The following IMPG1 variants were observed in gnomAD, a reference collection of about 807,000 sequenced individuals.
IMPG1 encodes interphotoreceptor matrix proteoglycan 1, also known as interphotoreceptor matrix proteoglycan of 150 kDa.
Under a neutral mutation model 92.0 loss-of-function variants are expected in IMPG1, and 85 were observed. That is an observed-to-expected ratio of 0.92 (90% CI 0.78 to 1.11). IMPG1 has a LOEUF of 1.11. Among genes scored for constraint, IMPG1 ranks in the 50% least tolerant of loss-of-function variants. IMPG1 has a pLI of 0.00. For missense variants in IMPG1, 1,022 were observed against 956.0 expected (o/e 1.07, Z -0.91); for synonymous variants, 367 against 334.1 (o/e 1.10, Z -1.08).
chr6:75,946,416 C>T (rs1455817639), intron 14 of IMPG1, among the ~76,000 whole-genome samples: 2 of 152,186 alleles, frequency 1.3e-5, no homozygotes, highest in Non-Finnish European at 2.9e-5. Flanking sequence ...GTTAAAGATT[C>T]ACTCCACTAA....
intron 12 of IMPG1, among the ~76,000 whole-genome samples, chr6:76,000,955 T>C (rs1449650284): frequency 6.6e-6 from 1 of 152,184 alleles, no homozygotes; most frequent in East Asian, 1.9e-4. Context: ...CATAGTATAA[T>C]AGATGTAGAA....
rs374742513 is a variant in IMPG1 at position 76,015,634 on chromosome 6, C to G, written c.807+3084G>C. The stretch of plus-strand genomic sequence containing the variant: ...TGATCAACACGGTGAACTCCTGTCT[C>G]TACTAAAAATACAAAATTAGCCAGC... On this transcript the variant is annotated intron_variant, in intron 7 of 16. Coordinates refer to ENST00000369950, the MANE Select transcript of IMPG1 (RefSeq NM_001563.4). Among the ~76,000 whole-genome samples, 206 of 151,736 alleles carry G rather than the reference C, an allele frequency of 1.4e-3. 1 individual carries two copies. Among genetic ancestry groups the G allele is most frequent in the African/African-American group, 4.8e-3 (197 of 41,378 alleles).
In IMPG1 at chr6:76,007,511, T is replaced by C. The variant is rs1388605677; in HGVS notation, c.867-11A>G. ...TTTTCTTTCTTTGGTCTTCATTTCA[T>C]CATGCACAATGGAAACATGAAAAAG... On this transcript the variant is annotated splice_polypyrimidine_tract_variant and intron_variant, in intron 8 of 16. Coordinates refer to ENST00000369950, the MANE Select transcript of IMPG1 (RefSeq NM_001563.4). 1 of 1,590,570 alleles carries C rather than the reference T, an allele frequency of 6.3e-7. No homozygotes were observed. Among genetic ancestry groups the C allele is most frequent in the South Asian group, 1.1e-5 (1 of 88,004 alleles).
chr6:75,999,557 A>C (rs942423095), intron 12 of IMPG1, among the ~76,000 whole-genome samples: 4 of 152,090 alleles, frequency 2.6e-5, no homozygotes, highest in Middle Eastern at 3.4e-3. Flanking sequence ...GTGCCCCTGC[A>C]CTTTTTTTTT....
At chr6:76,060,364 T>C (rs1009559327) in intron 1 of IMPG1, among the ~76,000 whole-genome samples, 1 of 152,158 alleles carries the variant, frequency 6.6e-6, no homozygotes, top group Admixed American at 6.6e-5. Context: ...AGAGGGAGAA[T>C]ATTCTCCGTA....
intron 14 of IMPG1, among the ~76,000 whole-genome samples, chr6:75,944,869 A>G (rs1183941317): frequency 6.6e-6 from 1 of 152,246 alleles, no homozygotes; most frequent in Non-Finnish European, 1.5e-5. Flanking sequence ...CTGGAAAGCA[A>G]GCAAGTAATT....
rs1384703548 is a variant in IMPG1, at chr6:75,924,657, A to ATATATT, written c.2244-952_2244-951insAATATA. On this transcript the variant is annotated intron_variant, in intron 15 of 16. Transcript: ENST00000369950. ...ATATTATATATAATTAATTATATAT[A>ATATATT]ATATATAATAAATTATATATTATAT... Among the ~76,000 whole-genome samples the ATATATT allele has an allele frequency of 2.7e-3, 18 of 6,684 alleles. 5 individuals are homozygous for ATATATT. The East Asian group carries it at 0.058, about 22-fold the overall frequency. 4.4% of individuals were successfully genotyped at this position (6,684 alleles called of 152,430 possible).
intron 12 of IMPG1, among the ~76,000 whole-genome samples, chr6:75,958,508 C>T (rs1302629905): frequency 6.6e-6 from 1 of 152,198 alleles, no homozygotes; most frequent in African/African-American, 2.4e-5. Flanking sequence ...TCGCCCCCTG[C>T]ATCACTTCCA....
At chr6:76,047,770 C>G (rs1318525501) in intron 1 of IMPG1, among the ~76,000 whole-genome samples, 1 of 152,138 alleles carries the variant, frequency 6.6e-6, no homozygotes. Context: ...AACCATTAGA[C>G]TATGAAAAAA....
At chr6:75,997,263 C>G (rs1028906542) in intron 12 of IMPG1, among the ~76,000 whole-genome samples, 1 of 152,170 alleles carries the variant, frequency 6.6e-6, no homozygotes, top group Non-Finnish European at 1.5e-5. Flanking sequence ...TTAGGAAAAC[C>G]TTGCTCCCTG....
Position 76,068,123 on chromosome 6 carries a change from G to C in IMPG1, c.67+4299C>G, listed in dbSNP as rs183244648. 3.3e-5 allele frequency among the ~76,000 whole-genome samples: 5 copies of C among 152,260 alleles called. No individual in the cohort carries two copies. In the East Asian group the frequency reaches 7.7e-4, roughly 23 times the overall value. On this transcript the variant is annotated intron_variant, in intron 1 of 16. Coordinates refer to ENST00000369950, the MANE Select transcript of IMPG1 (RefSeq NM_001563.4). ...ATTTGAAAGCATACCCCTAAGAACT[G>C]GAAGAAGACAAGGATGCCCACTTTA...
At chr6:76,041,758 T>C in intron 2 of IMPG1, 135 bp downstream of exon 2, 1 of 638,566 alleles carries the variant, frequency 1.6e-6, no homozygotes, top group Non-Finnish European at 2.8e-6. Context: ...TATCAGATTA[T>C]CACTAGGTTG....
chr6:75,988,174 C>A (rs1289689916), intron 12 of IMPG1, among the ~76,000 whole-genome samples: 1 of 152,140 alleles, frequency 6.6e-6, no homozygotes, highest in Non-Finnish European at 1.5e-5. Flanking sequence ...ATTTCTAGTT[C>A]TAGATCCTTG....
chr6:76,054,852 C>CAA (rs1784094594), intron 1 of IMPG1, among the ~76,000 whole-genome samples: 2 of 152,042 alleles, frequency 1.3e-5, no homozygotes, highest in African/African-American at 2.4e-5. Context: ...AAGGCAAAGA[C>CAA]AGACAGGTCA....
intron 8 of IMPG1, among the ~76,000 whole-genome samples, chr6:76,008,815 T>C (rs1582101124): frequency 6.6e-6 from 1 of 152,348 alleles, no homozygotes; most frequent in Non-Finnish European, 1.5e-5. Context: ...ACAATCAAGA[T>C]AGTGAGCATA....
chr6:75,974,451 T>TCCTTCCTTCCTTCCTTCCTC (rs1224036118), intron 12 of IMPG1, among the ~76,000 whole-genome samples: 12 of 133,144 alleles, frequency 9.0e-5, no homozygotes, highest in South Asian at 5.2e-4. Context: ...CTTCCTTCCT[T>TCCTTCCTTCCTTCCTTCCTC]CTTTCTTCTT....
In IMPG1 at chr6:75,965,606, C is replaced by CTTTTTTT. The variant is rs35490140; in HGVS notation, c.1292-14519_1292-14513dup. 3.6e-4 allele frequency among the ~76,000 whole-genome samples: 40 copies of CTTTTTTT among 112,476 alleles called. 3 individuals carry two copies. Among genetic ancestry groups the CTTTTTTT allele is most frequent in the Non-Finnish European group, 4.2e-4 (25 of 59,930 alleles). 73.8% of individuals were successfully genotyped at this position (112,476 alleles called of 152,430 possible). On this transcript the variant is annotated intron_variant, in intron 12 of 16. Transcript: ENST00000369950. ...TGTTTATATTTTCTACATACTTGTT[C>CTTTTTTT]TTTTTTTTTTTTTTTTTTTGAGACG... is the stretch of plus-strand genomic sequence containing the variant.
intron 12 of IMPG1, among the ~76,000 whole-genome samples, chr6:75,990,908 C>T (rs1483078651): frequency 2.0e-5 from 3 of 152,156 alleles, no homozygotes; most frequent in Admixed American, 6.5e-5. Flanking sequence ...CTTAGGACTT[C>T]GAAGATGTCA....
chr6:75,978,578 T>C (rs993647842), intron 12 of IMPG1, among the ~76,000 whole-genome samples: 3 of 152,214 alleles, frequency 2.0e-5, no homozygotes, highest in South Asian at 2.1e-4. Flanking sequence ...TTCCTTAACA[T>C]ACCCCTTTTA....
Sources: gnomAD v4.1 joint callset for allele counts (sites outside exome capture counted in the v4.1 genomes callset) on GRCh38, gnomAD v4.1.1 for gene constraint, MANE v1.5 for transcripts, NCBI Gene and HGNC (gene_info 2026-07-23, HGNC 2026-07-21) for gene names.